Variants in PIK3C2G observed in about 807,000 individuals in gnomAD.
PIK3C2G encodes phosphatidylinositol-4-phosphate 3-kinase catalytic subunit type 2 gamma, also known as phosphatidylinositol 3-kinase C2 domain-containing subunit gamma.
A neutral mutation model predicts 181.1 loss-of-function variants in PIK3C2G; 168 were observed. That is an observed-to-expected ratio of 0.93 (90% CI 0.82 to 1.05). The LOEUF (loss-of-function observed/expected upper bound fraction) is 1.05, where lower values mean the gene tolerates loss of function less well. Among genes scored for constraint, PIK3C2G ranks in the 50% least tolerant of loss-of-function variants. The pLI is 0.00. For missense variants in PIK3C2G, 1,869 were observed against 1,732.8 expected, an observed-to-expected ratio of 1.08 and a Z score of -1.40; for synonymous variants, 573 against 592.2, an observed-to-expected ratio of 0.97 and a Z score of 0.47.
At chr12:18,497,775 G>A in intron 22 of PIK3C2G, 27 bp downstream of exon 22, 3 of 1,530,422 alleles carry the variant, frequency 2.0e-6, no homozygotes, top group South Asian at 1.3e-5. Context: ...AAGTGCGCTG[G>A]CTCACATTAT....
chr12:18,486,378 A>C (rs769878235), intron 18 of PIK3C2G, among the ~76,000 whole-genome samples: 1 of 152,154 alleles, frequency 6.6e-6, no homozygotes, highest in Non-Finnish European at 1.5e-5. Context: ...GCAAGGAATC[A>C]AACTGAGTTT....
At chr12:18,460,645 T>G (rs1947870838) in intron 18 of PIK3C2G, among the ~76,000 whole-genome samples, 1 of 148,664 alleles carries the variant, frequency 6.7e-6, no homozygotes, top group African/African-American at 2.5e-5. Context: ...TATATATATA[T>G]ATAGCACTTA....
chr12:18,582,426 T>C (rs909201032), intron 29 of PIK3C2G, among the ~76,000 whole-genome samples: 1 of 152,080 alleles, frequency 6.6e-6, no homozygotes, highest in African/African-American at 2.4e-5. Flanking sequence ...GGGCCTTCAG[T>C]CTGACAGACT....
chr12:18,350,747 G>GTCTTT (rs1940143910), intron 11 of PIK3C2G, among the ~76,000 whole-genome samples: 1 of 152,092 alleles, frequency 6.6e-6, no homozygotes, highest in South Asian at 2.1e-4. Context: ...CAACATAATG[G>GTCTTT]ACTCTGAATC....
chr12:18,725,685 C>T, the PIK3C2G span, among the ~76,000 whole-genome samples: 1 of 152,108 alleles, frequency 6.6e-6, no homozygotes, highest in African/African-American at 2.4e-5. Context: ...TATCTTTTTC[C>T]TCCTTCCACC....
At chr12:18,304,759 G>A (rs544563983) in intron 5 of PIK3C2G, among the ~76,000 whole-genome samples, 1 of 152,260 alleles carries the variant, frequency 6.6e-6, no homozygotes, top group East Asian at 1.9e-4. Flanking sequence ...TCTTCTCAGT[G>A]AAGTTAAGGA....
At chr12:18,328,672 T>C (rs1426137240) in intron 8 of PIK3C2G, among the ~76,000 whole-genome samples, 1 of 152,010 alleles carries the variant, frequency 6.6e-6, no homozygotes, top group East Asian at 1.9e-4. Flanking sequence ...ATAATAAATA[T>C]AATATAATGA....
At chr12:18,307,427 T>G (rs1343032178) in intron 5 of PIK3C2G, among the ~76,000 whole-genome samples, 1 of 151,936 alleles carries the variant, frequency 6.6e-6, no homozygotes, top group Non-Finnish European at 1.5e-5. Context: ...ATTTAACAGC[T>G]GAAGTTTTAT....
At chr12:18,707,975 C>T in the PIK3C2G span, among the ~76,000 whole-genome samples, 1 of 152,216 alleles carries the variant, frequency 6.6e-6, no homozygotes, top group Non-Finnish European at 1.5e-5. Context: ...ACATATCCAT[C>T]TATCCATCAT....
rs530651886 is a variant in PIK3C2G, at chr12:18,620,046, G to C, written c.4182+10417G>C. 2.0e-5 allele frequency among the ~76,000 whole-genome samples: 3 copies of C among 152,086 alleles called. No homozygotes were observed. In the East Asian group the frequency reaches 5.8e-4, roughly 29 times the overall value. ...GCCCCTTAATTTTTTAAAATATATT[G>C]AAACTTGTTTTATGTCCCAGGCATG... On this transcript the variant is annotated intron_variant, in intron 31 of 32. Coordinates refer to ENST00000538779, the MANE Select transcript of PIK3C2G (RefSeq NM_001288772.2).
intron 5 of PIK3C2G, among the ~76,000 whole-genome samples, chr12:18,297,903 C>T (rs1565569596): frequency 1.3e-5 from 2 of 151,914 alleles, no homozygotes; most frequent in Non-Finnish European, 2.9e-5. Flanking sequence ...ATGTATACCA[C>T]ATTTTCTTTC....
At chr12:18,245,028 C>A (rs1948025125), upstream of PIK3C2G, among the ~76,000 whole-genome samples, 1 of 152,096 alleles carries the variant, frequency 6.6e-6, no homozygotes, top group African/African-American at 2.4e-5. Flanking sequence ...TTCACCCAAT[C>A]TGTTTCACAG....
chr12:18,693,094 C>T, the PIK3C2G span: 1 of 1,522,264 alleles, frequency 6.6e-7, no homozygotes, highest in Non-Finnish European at 9.1e-7. Context: ...AGGGGGACCC[C>T]AATGTCAGTA....
upstream of PIK3C2G, among the ~76,000 whole-genome samples, chr12:18,261,284 T>C (rs1041924315): frequency 3.3e-5 from 5 of 152,176 alleles, no homozygotes; most frequent in African/African-American, 1.2e-4. Context: ...CTGATCAGTA[T>C]CTTTGGCCCG....
intron 26 of PIK3C2G, among the ~76,000 whole-genome samples, chr12:18,549,345 T>C (rs1441285188): frequency 6.6e-6 from 1 of 152,038 alleles, no homozygotes; most frequent in Non-Finnish European, 1.5e-5. Flanking sequence ...GAAAATGCAA[T>C]TTAAACATCA....
chr12:18,641,139 C>G (rs1949818873), intron 32 of PIK3C2G, among the ~76,000 whole-genome samples: 1 of 152,088 alleles, frequency 6.6e-6, no homozygotes, highest in Non-Finnish European at 1.5e-5. Flanking sequence ...TTATGGCTGT[C>G]TCATCCACAG....
At chr12:18,650,545 A>G (rs1219288527), downstream of PIK3C2G, among the ~76,000 whole-genome samples, 1 of 150,150 alleles carries the variant, frequency 6.7e-6, no homozygotes, top group Non-Finnish European at 1.5e-5. Context: ...ACATTACCAT[A>G]TAAACACATG....
chr12:18,321,767 G>C (rs1951119332), intron 7 of PIK3C2G, among the ~76,000 whole-genome samples: 2 of 152,182 alleles, frequency 1.3e-5, no homozygotes, highest in African/African-American at 4.8e-5. Context: ...GCCATATAAA[G>C]GAATGAGATC....
At chr12:18,469,748 T>C (rs1938268784) in intron 18 of PIK3C2G, among the ~76,000 whole-genome samples, 1 of 148,952 alleles carries the variant, frequency 6.7e-6, no homozygotes, top group Admixed American at 6.8e-5. Context: ...AAGATGAATG[T>C]ATGCTTAATT....
Sources: allele counts gnomAD v4.1 joint callset (sites outside exome capture counted in the v4.1 genomes callset), GRCh38; gene constraint gnomAD v4.1.1; transcripts MANE v1.5; gene names NCBI Gene and HGNC (gene_info 2026-07-23, HGNC 2026-07-21).